YAF2: variants seen among roughly 807,000 people sequenced by gnomAD.
YAF2 encodes YY1-associated factor 2.
YAF2 carries 7 observed loss-of-function variants against 20.1 expected under a neutral mutation model. The observed-to-expected ratio is 0.35, with a 90% CI of 0.20 to 0.65. YAF2 has a LOEUF of 0.65. YAF2 is among the 30% of genes least tolerant of loss of function. The pLI is 0.69. For missense variants in YAF2, 151 were observed against 219.2 expected, an observed-to-expected ratio of 0.69 and a Z score of 1.96; for synonymous variants, 74 against 76.0, an observed-to-expected ratio of 0.97 and a Z score of 0.14.
chr12:42,184,131 G>C (rs1442093934), intron 2 of YAF2, among the ~76,000 whole-genome samples: 1 of 152,116 alleles, frequency 6.6e-6, no homozygotes, highest in Non-Finnish European at 1.5e-5. Flanking sequence ...TCACTATTGA[G>C]ACCTATGCTC....
At chr12:42,207,154 T>G (rs2067067559) in intron 2 of YAF2, among the ~76,000 whole-genome samples, 1 of 152,190 alleles carries the variant, frequency 6.6e-6, no homozygotes, top group African/African-American at 2.4e-5. Flanking sequence ...ACTATGAGAT[T>G]GAACAGAATC....
chr12:42,210,622 G>C (rs1269488115), intron 2 of YAF2: 5 of 1,535,934 alleles, frequency 3.3e-6, no homozygotes. Context: ...ATGTGGATCT[G>C]TGGAGATTAC....
At chr12:42,184,274 T>C (rs1299228901) in intron 2 of YAF2, among the ~76,000 whole-genome samples, 1 of 152,158 alleles carries the variant, frequency 6.6e-6, no homozygotes, top group East Asian at 1.9e-4. Context: ...TGCAGCCCCA[T>C]AGATCCAGGA....
chr12:42,179,349 A>G (rs960525977), intron 2 of YAF2, among the ~76,000 whole-genome samples: 15 of 152,178 alleles, frequency 9.9e-5, no homozygotes, highest in African/African-American at 3.4e-4. Context: ...GTGAGCCAGT[A>G]ATCTCAGCTA....
At position 42,228,914 on chromosome 12, in the gene YAF2, C is replaced by A. The variant is rs1244894147; in HGVS notation, c.152+8685G>T. Among the ~76,000 whole-genome samples, 4 of 71,090 alleles carry A rather than the reference C, an allele frequency of 5.6e-5. No homozygotes were observed. In the East Asian group the frequency reaches 2.0e-3, roughly 35 times the overall value. 46.6% of individuals were successfully genotyped at this position (71,090 alleles called of 152,430 possible). On this transcript the variant is annotated intron_variant, in intron 2 of 3. Transcript: ENST00000534854. The stretch of plus-strand genomic sequence containing the variant: ...CCACCACCCCGTCTGGGAGGTGTGC[C>A]CAACAGCTCATTGAGAACGGGCCAT...
At chr12:42,232,756 A>G in intron 2 of YAF2, 1 of 985,366 alleles carries the variant, frequency 1.0e-6, no homozygotes, top group Middle Eastern at 5.2e-4. Context: ...GATTTCTACC[A>G]GATGATAGTT....
intron 2 of YAF2, among the ~76,000 whole-genome samples, chr12:42,207,440 ACT>A (rs1390912481): frequency 6.0e-5 from 9 of 151,106 alleles, no homozygotes; most frequent in Non-Finnish European, 1.2e-4. Context: ...AAAACTATAT[ACT>A]CTTTTTATAT....
intron 2 of YAF2, among the ~76,000 whole-genome samples, chr12:42,196,038 A>G (rs1348786103): frequency 6.6e-6 from 1 of 151,942 alleles, no homozygotes; most frequent in Admixed American, 6.6e-5. Context: ...CCTGGCCAAC[A>G]TGGTGAAACC....
At chr12:42,195,646 T>C (rs934731469) in intron 2 of YAF2, among the ~76,000 whole-genome samples, 15 of 152,218 alleles carry the variant, frequency 9.9e-5, no homozygotes, top group African/African-American at 3.4e-4. Flanking sequence ...ATTTACAATG[T>C]ACCTATTTTA....
intron 2 of YAF2, among the ~76,000 whole-genome samples, chr12:42,163,786 C>T (rs1365969740): frequency 2.6e-5 from 4 of 152,152 alleles, no homozygotes; most frequent in African/African-American, 9.7e-5. Context: ...AAAGAGCTTT[C>T]ACTGAAGGTA....
At position 42,161,581 on chromosome 12, in the gene YAF2, C is replaced by T. The variant is rs749301257; in HGVS notation, c.305+32G>A. On this transcript the variant is annotated intron_variant, in intron 3 of 3. Transcript: ENST00000534854. ...AAAAAATTAAATGGTTTTATTATTT[C>T]AAAAATGTCATAAAACACTCTTCAC... 5.8e-6 allele frequency: 9 copies of T among 1,541,284 alleles called. No individual in the cohort carries two copies. The East Asian group carries it at 2.1e-4, about 35-fold the overall frequency.
rs1315570826 is a variant in YAF2 at position 42,203,528 on chromosome 12, G to C, written c.152+34071C>G. Among the ~76,000 whole-genome samples, 3 of 151,840 alleles carry C rather than the reference G, an allele frequency of 2.0e-5. No homozygotes were observed. The East Asian group carries it at 5.8e-4, about 29-fold the overall frequency. ...TAAGCATGATGCTTTCTATTTGAAA[G>C]GTAGCCTTTACTGTAAGAAAAAAAA... is the stretch of plus-strand genomic sequence containing the variant. On this transcript the variant is annotated intron_variant, in intron 2 of 3. Coordinates refer to ENST00000534854, the MANE Select transcript of YAF2 (RefSeq NM_005748.6).
At chr12:42,228,268 C>T (rs1446250466) in intron 2 of YAF2, among the ~76,000 whole-genome samples, 1 of 34,716 alleles carries the variant, frequency 2.9e-5, no homozygotes, top group Non-Finnish European at 4.5e-5. Flanking sequence ...CCCCCGCCCG[C>T]GCCAGCCGCC....
intron 2 of YAF2, chr12:42,234,534 G>A: frequency 1.0e-6 from 1 of 985,232 alleles, no homozygotes; most frequent in Non-Finnish European, 1.2e-6. Context: ...AGGAACTGAA[G>A]CTACAACAAA....
intron 2 of YAF2, among the ~76,000 whole-genome samples, chr12:42,180,967 T>A (rs1859627171): frequency 6.6e-6 from 1 of 152,052 alleles, no homozygotes. Flanking sequence ...AATAAAAAAA[T>A]ACTGAGATGC....
intron 2 of YAF2, among the ~76,000 whole-genome samples, chr12:42,195,764 G>A (rs1312960642): frequency 6.6e-6 from 1 of 152,224 alleles, no homozygotes; most frequent in Non-Finnish European, 1.5e-5. Flanking sequence ...TTGAGACTGG[G>A]TTAAATTCAG....
chr12:42,224,534 C>T (rs182736228), intron 2 of YAF2, among the ~76,000 whole-genome samples: 1 of 152,106 alleles, frequency 6.6e-6, no homozygotes, highest in African/African-American at 2.4e-5. Flanking sequence ...TCTAGCCCCC[C>T]ACCCCGCGAC....
At chr12:42,173,048 C>CAG (rs879630684) in intron 2 of YAF2, among the ~76,000 whole-genome samples, 2 of 150,156 alleles carry the variant, frequency 1.3e-5, no homozygotes, top group African/African-American at 2.4e-5. Flanking sequence ...GAGAGAGAGA[C>CAG]AGAGAGAGAG....
At chr12:42,198,630 T>C (rs1404364621) in intron 2 of YAF2, among the ~76,000 whole-genome samples, 8 of 152,136 alleles carry the variant, frequency 5.3e-5, no homozygotes, top group African/African-American at 1.9e-4. Flanking sequence ...ACATTTTATC[T>C]AAAGAAATTA....
Sources: allele counts gnomAD v4.1 joint callset (sites outside exome capture counted in the v4.1 genomes callset), GRCh38; gene constraint gnomAD v4.1.1; transcripts MANE v1.5; gene names NCBI Gene and HGNC (gene_info 2026-07-23, HGNC 2026-07-21).